RAB40B: variants seen among roughly 807,000 people sequenced by gnomAD.
RAB40B encodes RAB40B, member RAS oncogene family, also known as ras-related protein Rab-40B.
A neutral mutation model predicts 24.0 loss-of-function variants in RAB40B; 21 were observed. The observed-to-expected ratio is 0.88, with a 90% CI of 0.62 to 1.26. The LOEUF (loss-of-function observed/expected upper bound fraction) is 1.26. Among genes scored for constraint, RAB40B ranks in the 50% most tolerant of loss-of-function variants. The pLI, the probability that RAB40B is intolerant of heterozygous loss-of-function variation, is 0.00. For missense variants in RAB40B, 348 were observed against 390.5 expected, an observed-to-expected ratio of 0.89 and a Z score of 0.92; for synonymous variants, 167 against 169.8, an observed-to-expected ratio of 0.98 and a Z score of 0.13.
At chr17:82,678,244 C>T (rs867258797) in intron 1 of RAB40B, among the ~76,000 whole-genome samples, 5 of 152,160 alleles carry the variant, frequency 3.3e-5, no homozygotes, top group East Asian at 1.9e-4. Context: ...TTGACATCAG[C>T]AGTGTTAGCG....
chr17:82,698,493 T>C lies in RAB40B; in HGVS notation c.104A>G (p.Gln35Arg), dbSNP rs2046636827. The C allele has an allele frequency of 1.3e-6, 2 of 1,504,038 alleles. No individual in the cohort carries two copies. Among genetic ancestry groups the C allele is most frequent in the South Asian group, 1.2e-5 (1 of 83,636 alleles). 93.2% of individuals were successfully genotyped at this position (1,504,038 alleles called of 1,614,324 possible). ...GTACGGGGACTCGGCCGCGCCATCC[T>C]GCAGGCTCGCCAGGATCTCGCCCTT... is the stretch of plus-strand genomic sequence containing the variant. ...VGKGEILASL[Q>R]DGAAESPYGH... The change falls in exon 1 of 6, where the codon CAG becomes CGG. Residue 35 changes from glutamine to arginine, a missense_variant. Coordinates refer to ENST00000571995, the MANE Select transcript of RAB40B (RefSeq NM_006822.3).
At position 82,667,764 on chromosome 17, in the gene RAB40B, C is replaced by G. The variant is rs140447282; in HGVS notation, c.143-3208G>C. On this transcript the variant is annotated intron_variant, in intron 1 of 5. Coordinates refer to ENST00000571995, the MANE Select transcript of RAB40B (RefSeq NM_006822.3). The surrounding 1 kb of genome is among the most constrained non-coding windows in gnomAD (Gnocchi z 4.3). ...AAGATACAGCAGCACTGAGAACGCC[C>G]GAAGCACCCGCTTTGCAGACGCCAC... Among the ~76,000 whole-genome samples, 2 of 152,172 alleles carry G rather than the reference C, an allele frequency of 1.3e-5. No homozygotes were observed. Among genetic ancestry groups the G allele is most frequent in the Non-Finnish European group, 2.9e-5 (2 of 68,026 alleles).
intron 1 of RAB40B, among the ~76,000 whole-genome samples, chr17:82,676,610 G>A (rs2046397332): frequency 6.6e-6 from 1 of 151,968 alleles, no homozygotes; most frequent in Non-Finnish European, 1.5e-5. Flanking sequence ...CTCTGCTTCA[G>A]TGGCCTACTA....
chr17:82,680,545 A>G (rs1344659772), intron 1 of RAB40B, among the ~76,000 whole-genome samples: 1 of 152,198 alleles, frequency 6.6e-6, no homozygotes, highest in African/African-American at 2.4e-5. Flanking sequence ...CAAGTCATTC[A>G]TGCTTGGTAC....
At chr17:82,687,495 G>A (rs1033740317) in intron 1 of RAB40B, among the ~76,000 whole-genome samples, 1 of 152,084 alleles carries the variant, frequency 6.6e-6, no homozygotes, top group African/African-American at 2.4e-5. Flanking sequence ...ATTAGGGGGA[G>A]GGTAATTAAT....
intron 2 of RAB40B, among the ~76,000 whole-genome samples, chr17:82,661,572 AG>A (rs889668091): frequency 1.3e-5 from 2 of 152,146 alleles, no homozygotes; most frequent in African/African-American, 4.8e-5. Context: ...GGACCCACAA[AG>A]ACCAGAACGG....
At position 82,698,670 on chromosome 17, in the gene RAB40B, G is replaced by A. The variant is rs1441759280; in HGVS notation, c.-74C>T. 2.7e-6 allele frequency: 3 copies of A among 1,109,540 alleles called. No individual in the cohort carries two copies. Among genetic ancestry groups the A allele is most frequent in the African/African-American group, 1.7e-5 (1 of 59,572 alleles). The allele number at this position is 1,109,540 out of a possible 1,614,324, so 68.7% of individuals were successfully genotyped here. A position where few individuals can be genotyped will look rare whatever the true frequency, so the allele number is the denominator to read the frequency against. ...CAGAGGCGGCGGCCCGGCCCCGAGAGGCGCCGCGCGGGCCCCGAGTCCTTG... is the reference window on the plus strand; with the variant it reads ...CAGAGGCGGCGGCCCGGCCCCGAGAAGCGCCGCGCGGGCCCCGAGTCCTTG... On this transcript the variant is annotated 5_prime_UTR_variant, in exon 1 of 6. Transcript: ENST00000571995.
chr17:82,658,296 G>T, intron 5 of RAB40B, 162 bp from the exon 6 acceptor site: 1 of 1,113,138 alleles, frequency 9.0e-7, no homozygotes, highest in Non-Finnish European at 1.3e-6. Context: ...CTCTGCCCAC[G>T]TACAGATCCC....
chr17:82,668,773 C>G (rs2046293515), intron 1 of RAB40B, among the ~76,000 whole-genome samples: 1 of 152,264 alleles, frequency 6.6e-6, no homozygotes, highest in Non-Finnish European at 1.5e-5. Flanking sequence ...GCGTCTAGAG[C>G]TGCCCCAGGG....
rs764583570 is a variant in RAB40B, at chr17:82,657,899, G to C, written c.801C>G (p.Pro267=). Residue 267 remains proline (P), a synonymous_variant, in exon 6 of 6, where the codon CCC becomes CCG. Transcript: ENST00000571995. ...VKLVRPPQSP[P]KNCTRNSCKI... ...TGCAGCTGTTTCTGGTGCAGTTTTT[G>C]GGGGGGCTCTGGGGGGGGCGGACGA... 2.5e-5 allele frequency: 40 copies of C among 1,612,386 alleles called. No homozygotes were observed. Among genetic ancestry groups the C allele is most frequent in the Non-Finnish European group, 3.3e-5 (39 of 1,179,278 alleles).
chr17:82,678,470 C>T (rs1434425607), intron 1 of RAB40B, among the ~76,000 whole-genome samples: 1 of 152,226 alleles, frequency 6.6e-6, no homozygotes, highest in Non-Finnish European at 1.5e-5. Context: ...ATTCTCTACA[C>T]TTGGAGCTGC....
intron 1 of RAB40B, among the ~76,000 whole-genome samples, chr17:82,681,250 A>G (rs891571157): frequency 6.6e-6 from 1 of 152,126 alleles, no homozygotes; most frequent in Non-Finnish European, 1.5e-5. Flanking sequence ...GCTAAAAATC[A>G]ATTTATATAA....
intron 2 of RAB40B, chr17:82,662,272 C>T: frequency 1.0e-6 from 1 of 985,480 alleles, no homozygotes; most frequent in Non-Finnish European, 1.2e-6. Flanking sequence ...ATTCAAGCCT[C>T]AGCAGGACCT....
At chr17:82,681,137 C>T (rs1388449436) in intron 1 of RAB40B, among the ~76,000 whole-genome samples, 1 of 151,050 alleles carries the variant, frequency 6.6e-6, no homozygotes, top group African/African-American at 2.4e-5. Context: ...AACACAGTTG[C>T]CAAAACACTA....
At chr17:82,680,974 T>C (rs1598310954) in intron 1 of RAB40B, among the ~76,000 whole-genome samples, 1 of 129,550 alleles carries the variant, frequency 7.7e-6, no homozygotes, top group African/African-American at 3.1e-5. Flanking sequence ...TGAGCTGAGA[T>C]TGCGCCATTG....
At chr17:82,658,989 A>T in intron 4 of RAB40B, 1 of 428,458 alleles carries the variant, frequency 2.3e-6, no homozygotes, top group East Asian at 4.1e-5. Context: ...CAGAGGCTGG[A>T]GCGGTGCAGC....
Position 82,663,580 on chromosome 17 carries a change from T to A in RAB40B, c.203+916A>T, listed in dbSNP as rs2046204050. On this transcript the variant is annotated intron_variant, in intron 2 of 5. Coordinates refer to ENST00000571995, the MANE Select transcript of RAB40B (RefSeq NM_006822.3). The surrounding 1 kb of genome is among the most constrained non-coding windows in gnomAD (Gnocchi z 6.2). ...CTTGCCCCAAGGTGAGGAGCTGGGGTTCTCACAGCTGAGAGAGCAGAGCCA... is the reference window on the plus strand; with the variant it reads ...CTTGCCCCAAGGTGAGGAGCTGGGGATCTCACAGCTGAGAGAGCAGAGCCA... Among the ~76,000 whole-genome samples the A allele has an allele frequency of 6.6e-6, 1 of 151,358 alleles. No individual in the cohort carries two copies. The highest frequency in any genetic ancestry group is 1.5e-5 in the Non-Finnish European group (1 of 67,784).
intron 1 of RAB40B, among the ~76,000 whole-genome samples, chr17:82,683,350 T>C (rs1233048060): frequency 2.0e-5 from 3 of 152,182 alleles, no homozygotes. Context: ...TCTTATTCTT[T>C]AAAAGATACT....
chr17:82,681,229 GT>G (rs1455883419), intron 1 of RAB40B, among the ~76,000 whole-genome samples: 2 of 152,026 alleles, frequency 1.3e-5, no homozygotes, highest in Non-Finnish European at 2.9e-5. Context: ...CAACTCCTTA[GT>G]GAAGATTTGG....
Sources: gnomAD v4.1 joint callset for allele counts (sites outside exome capture counted in the v4.1 genomes callset) on GRCh38, gnomAD v4.1.1 for gene constraint, Gnocchi (gnomAD v3.1) non-coding constraint, MANE v1.5 for transcripts, NCBI Gene and HGNC (gene_info 2026-07-23, HGNC 2026-07-21) for gene names.